Variants in SYCP2 observed in about 807,000 individuals in gnomAD.
The protein encoded by SYCP2 is synaptonemal complex lateral element protein.
Under a neutral mutation model 211.3 loss-of-function variants are expected in SYCP2, and 55 were observed. The ratio of observed to expected loss-of-function variants is 0.26; its 90% CI spans 0.21 to 0.33. The LOEUF (loss-of-function observed/expected upper bound fraction) is 0.33, where lower values mean the gene tolerates loss of function less well. SYCP2 is among the 10% of genes least tolerant of loss of function. The pLI, the probability that SYCP2 is intolerant of heterozygous loss-of-function variation, is 1.00. For synonymous variants in SYCP2, 570 were observed against 555.2 expected (o/e 1.03, Z -0.37); for missense variants, 1,731 against 1,752.0 (o/e 0.99, Z 0.21).
chr20:59,893,089 C>T (rs771441855), intron 22 of SYCP2, 53 bp downstream of exon 22: 40 of 1,235,828 alleles, frequency 3.2e-5, no homozygotes, highest in South Asian at 4.1e-5. Context: ...GTTACATTCA[C>T]TGAAAACAGC....
At chr20:59,880,255 T>C (rs2059650054) in intron 31 of SYCP2, 48 bp downstream of exon 31, 1 of 1,454,858 alleles carries the variant, frequency 6.9e-7, no homozygotes, top group Non-Finnish European at 9.4e-7. Flanking sequence ...ATAATTGAAA[T>C]AAACTGCAAA....
At chr20:59,919,131 C>T in intron 7 of SYCP2, 27 bp downstream of exon 7, 1 of 1,187,810 alleles carries the variant, frequency 8.4e-7, no homozygotes, top group Non-Finnish European at 1.2e-6. Context: ...ATTTATTGTT[C>T]CAATAGAAAA....
Position 59,877,992 on chromosome 20 carries a change from A to C in SYCP2, c.2979+16T>G. ...TAATTTTAAAGGGATGTTTGAACAC[A>C]AACTTCTTGGCTTACCATTTTAGAG... On this transcript the variant is annotated intron_variant, in intron 32 of 44. Transcript: ENST00000357552. 6.3e-7 allele frequency: 1 copy of C among 1,587,458 alleles called. No homozygotes were observed. Among genetic ancestry groups the C allele is most frequent in the Non-Finnish European group, 8.6e-7 (1 of 1,165,430 alleles).
At chr20:59,891,217 T>A (rs533017015) in intron 24 of SYCP2, among the ~76,000 whole-genome samples, 1 of 152,104 alleles carries the variant, frequency 6.6e-6, no homozygotes, top group East Asian at 1.9e-4. Flanking sequence ...CTATAAAACC[T>A]GGATTATTTC....
intron 10 of SYCP2, 58 bp from the exon 11 acceptor site, chr20:59,914,309 A>T: frequency 9.6e-7 from 1 of 1,043,804 alleles, no homozygotes; most frequent in Non-Finnish European, 1.4e-6. Context: ...TTTATAAAAG[A>T]CCATATATTT....
chr20:59,930,621 T>C (rs1367868854), intron 2 of SYCP2, among the ~76,000 whole-genome samples: 7 of 152,184 alleles, frequency 4.6e-5, no homozygotes, highest in African/African-American at 1.7e-4. Context: ...CAATCTATAT[T>C]AATATATATG....
At chr20:59,912,846 C>G (rs2060357123) in intron 12 of SYCP2, among the ~76,000 whole-genome samples, 1 of 152,200 alleles carries the variant, frequency 6.6e-6, no homozygotes, top group South Asian at 2.1e-4. Context: ...ATGGTTTTAT[C>G]AGGGGTTTCC....
At position 59,932,162 on chromosome 20, in the gene SYCP2, C is replaced by G. The variant is rs947292837; in HGVS notation, c.-139-8G>C. 6.6e-6 allele frequency: 1 copy of G among 152,068 alleles called. No homozygotes were observed. Among genetic ancestry groups the G allele is most frequent in the Non-Finnish European group, 1.5e-5 (1 of 68,040 alleles). The allele number at this position is 152,068 out of a possible 1,614,324, so 9.4% of individuals were successfully genotyped here. ...AAGATGATGATTGTGTATCTGCAGG[C>G]AGATAAAAGCGTTACGGATAAAAAC... On this transcript the variant is annotated splice_region_variant and splice_polypyrimidine_tract_variant and intron_variant, in intron 1 of 44. Transcript: ENST00000357552.
At chr20:59,881,745 C>G (rs1287460457) in intron 28 of SYCP2, among the ~76,000 whole-genome samples, 200 bp downstream of exon 28, 1 of 147,634 alleles carries the variant, frequency 6.8e-6, no homozygotes, top group East Asian at 2.0e-4. Flanking sequence ...TTTTTCTCTA[C>G]CTTATTCCTA....
rs912273267 is a variant in SYCP2, at chr20:59,869,024, C to T, written c.3742-99G>A. 4.6e-5 allele frequency: 34 copies of T among 744,216 alleles called. No homozygotes were observed. In the African/African-American group the frequency reaches 5.8e-4, roughly 13 times the overall value. The allele number at this position is 744,216 out of a possible 1,614,324, so 46.1% of individuals were successfully genotyped here. ...ACCCAAAAACCAATAATTTTAAATGCTGTCAATTCTTTCTCAGATTGTTTC... is the reference window on the plus strand; with the variant it reads ...ACCCAAAAACCAATAATTTTAAATGTTGTCAATTCTTTCTCAGATTGTTTC... On this transcript the variant is annotated intron_variant, in intron 36 of 44. Transcript: ENST00000357552.
intron 40 of SYCP2, 48 bp downstream of exon 40, chr20:59,866,447 G>A (rs6070980): frequency 9.6e-6 from 15 of 1,557,136 alleles, no homozygotes; most frequent in African/African-American, 9.6e-5. Context: ...TCAGAATATA[G>A]GAATATGTAG....
intron 15 of SYCP2, among the ~76,000 whole-genome samples, chr20:59,902,256 T>G (rs1178958298): frequency 6.6e-6 from 1 of 152,126 alleles, no homozygotes; most frequent in African/African-American, 2.4e-5. Flanking sequence ...ATAAACAACA[T>G]TTGACAAAAA....
intron 15 of SYCP2, among the ~76,000 whole-genome samples, chr20:59,902,048 A>C (rs1348561172): frequency 6.6e-6 from 1 of 152,092 alleles, no homozygotes; most frequent in Non-Finnish European, 1.5e-5. Context: ...ATAACTAATA[A>C]GATAGAATCC....
intron 26 of SYCP2, chr20:59,885,166 C>A (rs2059761753): frequency 6.6e-6 from 1 of 151,912 alleles, no homozygotes; most frequent in Non-Finnish European, 1.5e-5. Context: ...AGAAACAAGA[C>A]AATCTTTTAA....
In SYCP2 at chr20:59,901,758, A is replaced by G; in HGVS notation, c.1086T>C (p.Ile362=). The G allele has an allele frequency of 3.7e-6, 6 of 1,605,512 alleles. No individual in the cohort carries two copies. The highest frequency in any genetic ancestry group is 5.1e-6 in the Non-Finnish European group (6 of 1,175,226). ...LTIILKNTVK[I]SKREGKELLL... ...GCAATTCTTTCCCTTCTCTTTTGCT[A>G]ATTTTTACTGTATTTTTCAGAATTA... The change falls in exon 16 of 45, where the codon ATT becomes ATC. Residue 362 remains isoleucine, a synonymous_variant. Transcript: ENST00000357552.
chr20:59,911,904 T>A, intron 13 of SYCP2, 59 bp from the exon 14 acceptor site: 1 of 784,588 alleles, frequency 1.3e-6, no homozygotes, highest in Non-Finnish European at 2.0e-6. Context: ...AACAGACAAT[T>A]ATGATGTTAT....
intron 30 of SYCP2, 28 bp from the exon 31 acceptor site, chr20:59,880,499 A>G: frequency 2.2e-6 from 3 of 1,359,484 alleles, no homozygotes; most frequent in East Asian, 4.9e-5. Flanking sequence ...AAATGCATGA[A>G]GAAATACTAC....
chr20:59,885,856 G>T, intron 26 of SYCP2, 72 bp downstream of exon 26: 1 of 1,111,138 alleles, frequency 9.0e-7, no homozygotes, highest in Non-Finnish European at 1.3e-6. Flanking sequence ...TTACCACTAT[G>T]CTATTTTAGT....
chr20:59,865,819 CTTT>C lies in SYCP2; in HGVS notation c.4364_4366del (p.Lys1455del), dbSNP rs1157666497. On this transcript the variant is annotated inframe_deletion, in exon 42 of 45. Coordinates refer to ENST00000357552, the MANE Select transcript of SYCP2 (RefSeq NM_014258.4). Reference sequence around the variant, plus strand: ...ATGTCATACTAACCTCTGTTGTTCGCTTTTTTGATATGCACTGAACTTCTGAAA... The same window carrying C: ...ATGTCATACTAACCTCTGTTGTTCGCTTTGATATGCACTGAACTTCTGAAA... 2 of 1,437,346 alleles carry C rather than the reference CTTT, an allele frequency of 1.4e-6. No homozygotes were observed. The highest frequency in any genetic ancestry group is 9.3e-7 in the Non-Finnish European group (1 of 1,076,676). 89.0% of individuals were successfully genotyped at this position (1,437,346 alleles called of 1,614,324 possible). A position where few individuals can be genotyped will look rare whatever the true frequency, so the allele number is the denominator to read the frequency against.
Sources: allele counts gnomAD v4.1 joint callset (sites outside exome capture counted in the v4.1 genomes callset), GRCh38; gene constraint gnomAD v4.1.1; transcripts MANE v1.5; gene names NCBI Gene and HGNC (gene_info 2026-07-23, HGNC 2026-07-21).